PANK1: variants seen among roughly 807,000 people sequenced by gnomAD.
PANK1 encodes pantothenic acid kinase 1.
Under a neutral mutation model 40.1 loss-of-function variants are expected in PANK1, and 18 were observed. That is an observed-to-expected ratio of 0.45 (90% CI 0.31 to 0.67). The LOEUF (loss-of-function observed/expected upper bound fraction) is 0.67, where lower values mean the gene tolerates loss of function less well. Ranked by LOEUF, PANK1 falls within the 30% of genes least tolerant of loss-of-function variation. The probability of loss-of-function intolerance (pLI) is 0.06; values close to 1 mark genes in which losing one functional copy is unlikely to be tolerated. For missense variants in PANK1, 457 were observed against 599.6 expected, an observed-to-expected ratio of 0.76 and a Z score of 2.48; for synonymous variants, 242 against 237.7, an observed-to-expected ratio of 1.02 and a Z score of -0.17.
At chr10:89,607,658 T>G (rs1237583155) in intron 2 of PANK1, among the ~76,000 whole-genome samples, 3 of 152,208 alleles carry the variant, frequency 2.0e-5, no homozygotes, top group Non-Finnish European at 4.4e-5. Flanking sequence ...AAATAAATTT[T>G]CTGATGTTAA....
intron 6 of PANK1, among the ~76,000 whole-genome samples, chr10:89,587,597 G>A (rs1844233880): frequency 6.6e-6 from 1 of 152,054 alleles, no homozygotes; most frequent in African/African-American, 2.4e-5. Context: ...AATCAAAGGA[G>A]GTGCATAATA....
In PANK1 at chr10:89,611,101, T is replaced by C. The variant is rs377345346; in HGVS notation, c.645+595A>G. ...AGTTTGTAAGTACTGCCAGTCAGGA[T>C]ACAGCATTATCCTTACTATATAAAA... On this transcript the variant is annotated intron_variant, in intron 2 of 6. Coordinates refer to ENST00000307534, the MANE Select transcript of PANK1 (RefSeq NM_148977.3). Among the ~76,000 whole-genome samples the C allele has an allele frequency of 4.6e-5, 7 of 152,366 alleles. No individual in the cohort carries two copies. In the South Asian group the frequency reaches 1.4e-3, roughly 32 times the overall value.
intron 3 of PANK1, among the ~76,000 whole-genome samples, chr10:89,595,221 C>T (rs1844525637): frequency 6.6e-6 from 1 of 151,894 alleles, no homozygotes; most frequent in African/African-American, 2.4e-5. Context: ...GAGGCTGAGA[C>T]AGGCAAATTA....
chr10:89,608,159 G>C (rs941264049), intron 2 of PANK1, among the ~76,000 whole-genome samples: 2 of 151,648 alleles, frequency 1.3e-5, no homozygotes. Context: ...AGCCTCCCAA[G>C]CAGCTGGGAC....
chr10:89,619,003 G>A (rs1005530069), intron 1 of PANK1, among the ~76,000 whole-genome samples: 10 of 152,080 alleles, frequency 6.6e-5, no homozygotes, highest in East Asian at 1.9e-4. Context: ...AATCCTTCGC[G>A]GTTTTTAAAG....
intron 1 of PANK1, chr10:89,643,952 A>G (rs1842036359): frequency 9.1e-7 from 1 of 1,098,926 alleles, no homozygotes; most frequent in Admixed American, 3.1e-5. Context: ...CGTTGAAAAA[A>G]AAAATCCACC....
At chr10:89,589,774 A>G (rs1029961325) in intron 5 of PANK1, among the ~76,000 whole-genome samples, 3 of 152,108 alleles carry the variant, frequency 2.0e-5, no homozygotes, top group East Asian at 1.9e-4. Flanking sequence ...TCATTAAAAA[A>G]AAAAACAAAA....
chr10:89,600,947 C>A (rs1261412747), intron 2 of PANK1, among the ~76,000 whole-genome samples: 1 of 152,136 alleles, frequency 6.6e-6, no homozygotes, highest in East Asian at 1.9e-4. Flanking sequence ...TTATTTAATT[C>A]TCCCTAAAAC....
intron 1 of PANK1, among the ~76,000 whole-genome samples, chr10:89,637,003 A>C (rs1280948911): frequency 1.3e-5 from 2 of 150,608 alleles, no homozygotes; most frequent in Admixed American, 1.3e-4. Context: ...CTGGGACTAC[A>C]GGCGCCCGCC....
chr10:89,597,679 A>G (rs978104148), intron 3 of PANK1, among the ~76,000 whole-genome samples: 2 of 152,234 alleles, frequency 1.3e-5, no homozygotes, highest in Non-Finnish European at 1.5e-5. Flanking sequence ...ATAAAACTAG[A>G]TATCTCTAAT....
At chr10:89,592,744 C>G (rs1249173998) in intron 5 of PANK1, 1 of 535,080 alleles carries the variant, frequency 1.9e-6, no homozygotes. Flanking sequence ...CTGTAGCAAG[C>G]TCTCTGTGCT....
intron 5 of PANK1, among the ~76,000 whole-genome samples, chr10:89,589,438 C>T (rs890400749): frequency 5.7e-4 from 86 of 152,060 alleles, no homozygotes; most frequent in Non-Finnish European, 7.4e-4. Context: ...GCTTCAAATC[C>T]CGTAAGCTTC....
chr10:89,602,897 T>G (rs2133947972), intron 2 of PANK1, among the ~76,000 whole-genome samples: 1 of 152,142 alleles, frequency 6.6e-6, no homozygotes, highest in South Asian at 2.1e-4. Context: ...ATTTTTATGT[T>G]AAATCTTCCA....
chr10:89,634,908 C>T (rs1008461343), intron 1 of PANK1, among the ~76,000 whole-genome samples: 2 of 152,092 alleles, frequency 1.3e-5, no homozygotes, highest in South Asian at 4.2e-4. Context: ...GCCATGTGTC[C>T]TGCTTCTAGA....
chr10:89,636,439 G>A (rs768162587), intron 1 of PANK1, among the ~76,000 whole-genome samples: 4 of 151,726 alleles, frequency 2.6e-5, no homozygotes, highest in South Asian at 2.1e-4. Context: ...CGGGGTGCAC[G>A]CCATTCTCCT....
At chr10:89,585,727 C>T (rs191249825) in intron 6 of PANK1, among the ~76,000 whole-genome samples, 51 of 152,320 alleles carry the variant, frequency 3.3e-4, no homozygotes, top group African/African-American at 1.2e-3. Context: ...GATGACTTCT[C>T]TTAAGAGATG....
At chr10:89,643,691 AC>A in intron 1 of PANK1, 1 of 1,605,588 alleles carries the variant, frequency 6.2e-7, no homozygotes, top group African/African-American at 1.3e-5. Context: ...CATTTACTGT[AC>A]TTACTTTGCT....
chr10:89,632,513 T>C (rs945661257), intron 1 of PANK1, among the ~76,000 whole-genome samples: 1 of 152,108 alleles, frequency 6.6e-6, no homozygotes, highest in African/African-American at 2.4e-5. Context: ...AAAAATTTGG[T>C]GTTCCTCAAT....
intron 3 of PANK1, among the ~76,000 whole-genome samples, chr10:89,597,337 C>A (rs926727607): frequency 6.6e-6 from 1 of 152,206 alleles, no homozygotes; most frequent in Non-Finnish European, 1.5e-5. Flanking sequence ...CACAGCCCCA[C>A]AGACTTGATG....
Sources: gnomAD v4.1 joint callset for allele counts (sites outside exome capture counted in the v4.1 genomes callset) on GRCh38, gnomAD v4.1.1 for gene constraint, MANE v1.5 for transcripts, NCBI Gene and HGNC (gene_info 2026-07-23, HGNC 2026-07-21) for gene names.